The following JARID2 variants were observed in gnomAD, a reference collection of about 807,000 sequenced individuals.
JARID2 encodes jumonji and AT-rich interaction domain containing 2.
JARID2 carries 21 observed loss-of-function variants against 125.6 expected under a neutral mutation model. The observed-to-expected ratio is 0.17, with a 90% CI of 0.12 to 0.24. JARID2 has a LOEUF of 0.24. Ranked by LOEUF, JARID2 falls within the 10% of genes least tolerant of loss-of-function variation. The pLI is 1.00. For missense variants in JARID2, 1,303 were observed against 1,639.6 expected (o/e 0.79, Z 3.55); for synonymous variants, 736 against 661.6 (o/e 1.11, Z -1.73).
intron 2 of JARID2, among the ~76,000 whole-genome samples, chr6:15,379,861 G>A (rs1245438524): frequency 1.3e-5 from 2 of 152,176 alleles, no homozygotes; most frequent in Non-Finnish European, 2.9e-5. Context: ...GACCTCCCAT[G>A]CTTTCTGGAT....
intron 1 of JARID2, among the ~76,000 whole-genome samples, chr6:15,355,910 C>T (rs947415287): frequency 4.6e-5 from 7 of 152,234 alleles, no homozygotes; most frequent in Admixed American, 2.6e-4. Context: ...TGTGCCCGGC[C>T]ACTTAGTACA....
chr6:15,382,639 G>A (rs1764633302), intron 2 of JARID2, among the ~76,000 whole-genome samples: 3 of 152,188 alleles, frequency 2.0e-5, no homozygotes, highest in Non-Finnish European at 2.9e-5. Context: ...GGAATTTTGA[G>A]CCTTGATGAG....
At chr6:15,353,835 T>C (rs1044397486) in intron 1 of JARID2, among the ~76,000 whole-genome samples, 1 of 152,218 alleles carries the variant, frequency 6.6e-6, no homozygotes, top group Non-Finnish European at 1.5e-5. Flanking sequence ...CACCAGTTAT[T>C]TTTGACCCAC....
At chr6:15,345,372 T>TC (rs1763210287) in intron 1 of JARID2, among the ~76,000 whole-genome samples, 1 of 152,214 alleles carries the variant, frequency 6.6e-6, no homozygotes, top group Non-Finnish European at 1.5e-5. Flanking sequence ...CTGCTGTCAA[T>TC]TACGAGTTGC....
At chr6:15,316,544 A>G (rs959457511) in intron 1 of JARID2, among the ~76,000 whole-genome samples, 20 of 151,332 alleles carry the variant, frequency 1.3e-4, no homozygotes, top group Admixed American at 3.3e-4. Flanking sequence ...TGTTCTTGCT[A>G]TTTTTTTTGA....
At chr6:15,344,988 CA>C (rs1040442310) in intron 1 of JARID2, among the ~76,000 whole-genome samples, 2 of 152,028 alleles carry the variant, frequency 1.3e-5, no homozygotes, top group Admixed American at 1.3e-4. Flanking sequence ...GCTGCTATTG[CA>C]AAATCATATA....
intron 3 of JARID2, among the ~76,000 whole-genome samples, chr6:15,444,614 T>A (rs1008162881): frequency 4.0e-5 from 5 of 124,704 alleles, no homozygotes; most frequent in South Asian, 4.9e-4. Context: ...ACACAGGAAA[T>A]TTTTTTTTTT....
intron 1 of JARID2, among the ~76,000 whole-genome samples, chr6:15,269,331 T>C (rs1192463189): frequency 6.6e-6 from 1 of 152,154 alleles, no homozygotes; most frequent in Non-Finnish European, 1.5e-5. Context: ...AGTTGGATTT[T>C]TAATCTTTCA....
intron 16 of JARID2, among the ~76,000 whole-genome samples, chr6:15,515,783 C>T (rs545468798): frequency 7.3e-5 from 11 of 151,274 alleles, no homozygotes; most frequent in South Asian, 2.1e-4. Context: ...AAACCAGGCA[C>T]GGTGGCTTAT....
intron 1 of JARID2, among the ~76,000 whole-genome samples, chr6:15,370,555 A>G (rs894034700): frequency 6.6e-6 from 1 of 151,878 alleles, no homozygotes; most frequent in African/African-American, 2.4e-5. Context: ...GTTAGCCAGG[A>G]TGGTCTCGAT....
chr6:15,495,779 G>C (rs1770384813), intron 6 of JARID2, among the ~76,000 whole-genome samples: 1 of 152,178 alleles, frequency 6.6e-6, no homozygotes, highest in African/African-American at 2.4e-5. Flanking sequence ...ACAGGTGATT[G>C]CATGGCACGT....
At chr6:15,323,628 C>T (rs1455075263) in intron 1 of JARID2, among the ~76,000 whole-genome samples, 1 of 152,200 alleles carries the variant, frequency 6.6e-6, no homozygotes, top group Non-Finnish European at 1.5e-5. Flanking sequence ...CATTGCCTTC[C>T]AAAGAAAATT....
At chr6:15,345,323 C>T (rs1763208213) in intron 1 of JARID2, among the ~76,000 whole-genome samples, 1 of 152,198 alleles carries the variant, frequency 6.6e-6, no homozygotes, top group South Asian at 2.1e-4. Flanking sequence ...AAGTTGGTAC[C>T]TCCGGCTACC....
At chr6:15,469,564 C>T (rs994786907) in intron 5 of JARID2, among the ~76,000 whole-genome samples, 1 of 150,866 alleles carries the variant, frequency 6.6e-6, no homozygotes, top group Non-Finnish European at 1.5e-5. Flanking sequence ...TCCTGAGTAG[C>T]TGGGACTACA....
rs142206305 is a variant in JARID2 at position 15,281,402 on chromosome 6, A to G, written c.45+34818A>G. ...TGTGGTATGTGTGAATTCACAAACA[A>G]CATTCAAGATCAGTTTCAGAAATGT... On this transcript the variant is annotated intron_variant, in intron 1 of 17. Coordinates refer to ENST00000341776, the MANE Select transcript of JARID2 (RefSeq NM_004973.4). Among the ~76,000 whole-genome samples the G allele has an allele frequency of 3.4e-3, 516 of 152,374 alleles. 2 individuals carry two copies. The highest frequency in any genetic ancestry group is 6.0e-3 in the Non-Finnish European group (405 of 68,034).
intron 6 of JARID2, among the ~76,000 whole-genome samples, chr6:15,495,176 A>G (rs1770353510): frequency 6.6e-6 from 1 of 152,224 alleles, no homozygotes; most frequent in Admixed American, 6.5e-5. Context: ...GGGTCCCTTC[A>G]TTATTCTTGT....
chr6:15,256,371 CTGGA>C (rs978828789), intron 1 of JARID2, among the ~76,000 whole-genome samples: 3 of 152,174 alleles, frequency 2.0e-5, no homozygotes, highest in Non-Finnish European at 4.4e-5. Context: ...CTAAATACAC[CTGGA>C]TGGTGAATTG....
chr6:15,395,776 T>G (rs542705135), intron 2 of JARID2, among the ~76,000 whole-genome samples: 1 of 152,226 alleles, frequency 6.6e-6, no homozygotes, highest in African/African-American at 2.4e-5. Flanking sequence ...GTGCTTCCCC[T>G]GCCTCAGCCT....
chr6:15,280,048 A>G (rs1274643576), intron 1 of JARID2, among the ~76,000 whole-genome samples: 3 of 152,238 alleles, frequency 2.0e-5, no homozygotes, highest in Non-Finnish European at 4.4e-5. Context: ...AGACTGAAAA[A>G]TTAACACCTG....
Sources: gnomAD v4.1 joint callset for allele counts (sites outside exome capture counted in the v4.1 genomes callset) on GRCh38, gnomAD v4.1.1 for gene constraint, MANE v1.5 for transcripts, NCBI Gene and HGNC (gene_info 2026-07-23, HGNC 2026-07-21) for gene names.